Variants in PSEN2 observed in about 807,000 individuals in gnomAD.
The protein encoded by PSEN2 is presenilin 2.
A neutral mutation model predicts 49.1 loss-of-function variants in PSEN2; 32 were observed. The observed-to-expected ratio is 0.65, with a 90% CI of 0.49 to 0.88. The LOEUF (loss-of-function observed/expected upper bound fraction) is 0.88, where lower values mean the gene tolerates loss of function less well. PSEN2 is among the 40% of genes least tolerant of loss of function. The pLI, the probability that PSEN2 is intolerant of heterozygous loss-of-function variation, is 0.00. For missense variants in PSEN2, 522 were observed against 586.9 expected (o/e 0.89, Z 1.14); for synonymous variants, 255 against 244.0 (o/e 1.05, Z -0.42).
intron 3 of PSEN2, among the ~76,000 whole-genome samples, chr1:226,878,441 C>CA (rs1660772140): frequency 6.6e-6 from 1 of 152,140 alleles, no homozygotes; most frequent in South Asian, 2.1e-4. Flanking sequence ...TCCTGGGTCC[C>CA]CTGCTTCTCC....
At chr1:226,874,406 T>C (rs1372676927) in intron 2 of PSEN2, among the ~76,000 whole-genome samples, 1 of 152,246 alleles carries the variant, frequency 6.6e-6, no homozygotes, top group Non-Finnish European at 1.5e-5. Context: ...GGGAGCTGAC[T>C]AGGTGGCGTT....
At position 226,891,521 on chromosome 1, in the gene PSEN2, C is replaced by G. The variant is rs2236915; in HGVS notation, c.970+160C>G. On this transcript the variant is annotated intron_variant, in intron 10 of 12. Coordinates refer to ENST00000366783, the MANE Select transcript of PSEN2 (RefSeq NM_000447.3). ...GCCGGACACATGCGGCTTGAAGATT[C>G]AGCAAGTGTTGGACCCTCGGTCCTC... Among the ~76,000 whole-genome samples the G allele has an allele frequency of 0.48, 73,352 of 151,916 alleles. 18,190 individuals are homozygous for G. Among genetic ancestry groups the G allele is most frequent in the Middle Eastern group, 0.65 (191 of 294 alleles).
chr1:226,871,859 G>A (rs1660319351), intron 2 of PSEN2, among the ~76,000 whole-genome samples: 1 of 152,258 alleles, frequency 6.6e-6, no homozygotes, highest in Admixed American at 6.5e-5. Flanking sequence ...TGGCGCAGGT[G>A]CAGAAGGGGC....
chr1:226,877,979 G>A (rs1455016922), intron 3 of PSEN2, among the ~76,000 whole-genome samples: 1 of 152,094 alleles, frequency 6.6e-6, no homozygotes, highest in Admixed American at 6.6e-5. Flanking sequence ...GAAAGGGTAT[G>A]GTCCTTTAAC....
rs1257895407 is a variant in PSEN2, at chr1:226,888,031, G to A, written c.499-60G>A. On this transcript the variant is annotated intron_variant, in intron 6 of 12. Coordinates refer to ENST00000366783, the MANE Select transcript of PSEN2 (RefSeq NM_000447.3). Reference sequence around the variant, plus strand: ...TTGGGTATCAGTCTCAGGATCCTGGGGGCCTTAGAATTTGTGGCGCTTGGG... The same window carrying A: ...TTGGGTATCAGTCTCAGGATCCTGGAGGCCTTAGAATTTGTGGCGCTTGGG... The A allele has an allele frequency of 3.7e-6, 5 of 1,368,048 alleles. No homozygotes were observed. In the South Asian group the frequency reaches 4.6e-5, roughly 13 times the overall value. 84.7% of individuals were successfully genotyped at this position (1,368,048 alleles called of 1,614,324 possible).
At chr1:226,889,464 A>G (rs2102685661) in intron 8 of PSEN2, among the ~76,000 whole-genome samples, 1 of 152,156 alleles carries the variant, frequency 6.6e-6, no homozygotes, top group Admixed American at 6.5e-5. Context: ...TTTAGTAGAG[A>G]TGGGGTTTCA....
At chr1:226,898,271 T>C (rs1662216563), downstream of PSEN2, 1 of 152,220 alleles carries the variant, frequency 6.6e-6, no homozygotes, top group Non-Finnish European at 1.5e-5. Context: ...TTTTAACTAT[T>C]GTATAGTGTT....
At chr1:226,902,611 CAG>C (rs1280815491) in intron 12 of PSEN2, among the ~76,000 whole-genome samples, 3 of 152,148 alleles carry the variant, frequency 2.0e-5, no homozygotes, top group Non-Finnish European at 4.4e-5. Context: ...CGGCACAAGA[CAG>C]AAGTTTCCCA....
chr1:226,889,437 G>T (rs1039831796), intron 8 of PSEN2, among the ~76,000 whole-genome samples: 1 of 152,008 alleles, frequency 6.6e-6, no homozygotes, highest in African/African-American at 2.4e-5. Flanking sequence ...CCACCACGCT[G>T]GGCTAATTTT....
At chr1:226,874,073 G>A (rs1479222651) in intron 2 of PSEN2, among the ~76,000 whole-genome samples, 1 of 152,200 alleles carries the variant, frequency 6.6e-6, no homozygotes, top group Non-Finnish European at 1.5e-5. Context: ...CCTGGGGGCA[G>A]GAGAGAGACT....
At chr1:226,893,796 C>T (rs1277844976) in intron 11 of PSEN2, among the ~76,000 whole-genome samples, 1 of 152,196 alleles carries the variant, frequency 6.6e-6, no homozygotes, top group Non-Finnish European at 1.5e-5. Flanking sequence ...GGTTGTAAGT[C>T]ACCCAGTCCA....
chr1:226,885,650 G>T lies in PSEN2; in HGVS notation c.469G>T (p.Val157Leu), dbSNP rs780284265. Reference sequence around the variant, plus strand: ...CATCGTGGTTATGACCATCTTCTTGGTGGTGCTCTACAAGTACCGCTGCTA... The same window carrying T: ...CATCGTGGTTATGACCATCTTCTTGTTGGTGCTCTACAAGTACCGCTGCTA... ...SVIVVMTIFL[V>L]VLYKYRCYKF... Residue 157 changes from valine (V) to leucine (L), a missense_variant, in exon 6 of 13, where the codon GTG (valine) becomes TTG (leucine). Transcript: ENST00000366783. 8 of 1,610,640 alleles carry T rather than the reference G, an allele frequency of 5.0e-6. No individual in the cohort carries two copies. The highest frequency in any genetic ancestry group is 1.6e-4 in the Middle Eastern group (1 of 6,062).
chr1:226,881,191 C>T (rs1272661569), intron 3 of PSEN2, among the ~76,000 whole-genome samples: 1 of 152,156 alleles, frequency 6.6e-6, no homozygotes, highest in African/African-American at 2.4e-5. Flanking sequence ...TGGTCAGTGG[C>T]CAGACTGACT....
In PSEN2 at chr1:226,895,711, T is replaced by C. The variant is rs186288674; in HGVS notation, c.*132T>C. 8.6e-6 allele frequency: 10 copies of C among 1,167,742 alleles called. No homozygotes were observed. In the African/African-American group the frequency reaches 1.5e-4, roughly 18 times the overall value. 72.3% of individuals were successfully genotyped at this position (1,167,742 alleles called of 1,614,324 possible). ...AAAAATAAAGTACGTGTTTACTTGG[T>C]GAGGAGGAGGCAGAACCAGCTCTTT... On this transcript the variant is annotated 3_prime_UTR_variant, in exon 13 of 13. Transcript: ENST00000366783.
chr1:226,871,484 CCCCTGT>C, intron 2 of PSEN2, 80 bp downstream of exon 2: 1 of 152,356 alleles, frequency 6.6e-6, no homozygotes, highest in South Asian at 2.1e-4. Context: ...GCAGACCTCA[CCCCTGT>C]TTATTGCCTT....
chr1:226,895,080 C>T (rs759675386), intron 12 of PSEN2, among the ~76,000 whole-genome samples: 50 of 152,186 alleles, frequency 3.3e-4, no homozygotes, highest in Non-Finnish European at 5.9e-4. Flanking sequence ...GCCCACCTAG[C>T]TCTCATATAA....
At chr1:226,876,071 G>A (rs1660609202) in intron 3 of PSEN2, among the ~76,000 whole-genome samples, 1 of 152,182 alleles carries the variant, frequency 6.6e-6, no homozygotes, top group Admixed American at 6.5e-5. Context: ...AGTGGCTGAT[G>A]GGACTTGACA....
intron 3 of PSEN2, among the ~76,000 whole-genome samples, chr1:226,877,672 C>T (rs1049106815): frequency 7.9e-5 from 12 of 152,154 alleles, no homozygotes; most frequent in African/African-American, 2.4e-4. Context: ...TCTTGGTCCT[C>T]GTTGTTGTGG....
chr1:226,885,966 C>T (rs1225829779), intron 6 of PSEN2, among the ~76,000 whole-genome samples: 2 of 98,338 alleles, frequency 2.0e-5, no homozygotes, highest in Non-Finnish European at 4.2e-5. Context: ...ACCTCCTGGG[C>T]TCAAGTTCTC....
Sources: gnomAD v4.1 joint callset for allele counts (sites outside exome capture counted in the v4.1 genomes callset) on GRCh38, gnomAD v4.1.1 for gene constraint, MANE v1.5 for transcripts, NCBI Gene and HGNC (gene_info 2026-07-23, HGNC 2026-07-21) for gene names.